The following TNN variants were observed in gnomAD, a reference collection of about 807,000 sequenced individuals.
TNN encodes the protein tenascin N.
A neutral mutation model predicts 134.4 loss-of-function variants in TNN; 122 were observed. That is an observed-to-expected ratio of 0.91 (90% CI 0.78 to 1.06). TNN has a LOEUF of 1.06. Among genes scored for constraint, TNN ranks in the 50% least tolerant of loss-of-function variants. TNN has a pLI of 0.00. For missense variants in TNN, 1,739 were observed against 1,699.4 expected (o/e 1.02, Z -0.41); for synonymous variants, 710 against 670.3 (o/e 1.06, Z -0.91).
intron 3 of TNN, 76 bp from the exon 4 acceptor site, chr1:175,080,087 T>C: frequency 1.3e-6 from 2 of 1,569,474 alleles, no homozygotes; most frequent in Non-Finnish European, 1.7e-6. Flanking sequence ...ACCCTTATAG[T>C]GCTCAGGGAA....
rs150970745 is a variant in TNN, at chr1:175,074,543, G to T, written c.-35-2841G>T. Among the ~76,000 whole-genome samples the T allele has an allele frequency of 2.0e-3, 302 of 147,926 alleles. 11 individuals carry two copies. The East Asian group carries it at 0.05, about 24-fold the overall frequency. On this transcript the variant is annotated intron_variant, in intron 1 of 18. Transcript: ENST00000239462. ...CAGGCACTTATTACCCATGGTCCAAGTCACAAGACAACAAGAAGTGTCCCA... is the reference window on the plus strand; with the variant it reads ...CAGGCACTTATTACCCATGGTCCAATTCACAAGACAACAAGAAGTGTCCCA...
chr1:175,085,455 G>T lies in TNN; in HGVS notation c.1285G>T (p.Glu429Ter), dbSNP rs746885151. The T allele has an allele frequency of 6.2e-7, 1 of 1,612,964 alleles. No individual in the cohort carries two copies. Among genetic ancestry groups the T allele is most frequent in the Non-Finnish European group, 8.5e-7 (1 of 1,179,472 alleles). Residue 429 changes from glutamate to a stop codon, truncating the protein, a stop_gained, in exon 6 of 19, where the codon GAG becomes TAG. Coordinates refer to ENST00000239462, the MANE Select transcript of TNN (RefSeq NM_022093.2). LOFTEE classifies it high-confidence loss of function. ...GATCACGGTGGTGCCCATGAGAGGAGAGCTGGAGGGCAAGCCGATCCTCCT... is the reference window on the plus strand; with the variant it reads ...GATCACGGTGGTGCCCATGAGAGGATAGCTGGAGGGCAAGCCGATCCTCCT... The part of the protein sequence containing the change: ...YKITVVPMRG[E>*]LEGKPILLNG...
rs372041532 is a variant in TNN, at chr1:175,123,494, C to T, written c.2745C>T (p.Tyr915=). Residue 915 remains tyrosine, a synonymous_variant, in exon 12 of 19, where the codon TAC becomes TAT. Coordinates refer to ENST00000239462, the MANE Select transcript of TNN (RefSeq NM_022093.2). ...WDPVQATIDK[Y]MVRYTSADGE... ...CGGTTCAGGCCACCATTGACAAGTA[C>T]ATGGTGCGCTACACCTCTGCTGACG... 6.8e-6 allele frequency: 11 copies of T among 1,614,102 alleles called. No individual in the cohort carries two copies. The highest frequency in any genetic ancestry group is 9.3e-6 in the Non-Finnish European group (11 of 1,180,044).
At chr1:175,098,250 A>G in intron 8 of TNN, 82 bp from the exon 9 acceptor site, 1 of 1,588,502 alleles carries the variant, frequency 6.3e-7, no homozygotes, top group Non-Finnish European at 8.6e-7. Flanking sequence ...GAGCTCTGGA[A>G]GATGAAAATG....
chr1:175,118,966 CAAAACA>C lies in TNN; in HGVS notation c.2650+153_2650+158del, dbSNP rs1675269010. Reference sequence around the variant, plus strand: ...AGGAGAGTTTGCTGTAAAAACAAAACAAAACAAAAACAAAAAACAAACAAAGAAACA... The same window carrying C: ...AGGAGAGTTTGCTGTAAAAACAAAACAAAACAAAAAACAAACAAAGAAACA... On this transcript the variant is annotated intron_variant, in intron 11 of 18. Transcript: ENST00000239462. 11 of 1,201,530 alleles carry C rather than the reference CAAAACA, an allele frequency of 9.2e-6. No homozygotes were observed. In the Admixed American group the frequency reaches 3.0e-4, roughly 33 times the overall value. The allele number at this position is 1,201,530 out of a possible 1,614,324, so 74.4% of individuals were successfully genotyped here.
chr1:175,083,077 A>T (rs1420572003), intron 4 of TNN, among the ~76,000 whole-genome samples: 1 of 152,132 alleles, frequency 6.6e-6, no homozygotes, highest in Non-Finnish European at 1.5e-5. Flanking sequence ...TTCACAGGAC[A>T]GACAGATTGG....
intron 6 of TNN, among the ~76,000 whole-genome samples, chr1:175,093,689 C>T (rs1156650561): frequency 1.3e-5 from 2 of 152,106 alleles, no homozygotes; most frequent in Non-Finnish European, 2.9e-5. Context: ...TAGATGTATT[C>T]TCTCTGTCTA....
intron 9 of TNN, among the ~76,000 whole-genome samples, chr1:175,099,500 A>G (rs970352851): frequency 6.7e-6 from 1 of 148,884 alleles, no homozygotes; most frequent in Admixed American, 6.7e-5. Flanking sequence ...AGGCATCAGG[A>G]GGAGGACAAG....
intron 9 of TNN, among the ~76,000 whole-genome samples, chr1:175,112,716 C>G (rs1209848362): frequency 7.1e-6 from 1 of 141,390 alleles, no homozygotes; most frequent in East Asian, 2.4e-4. Flanking sequence ...TTCTCAGGTT[C>G]AAGTGATTCT....
rs181192406 is a variant in TNN at position 175,143,448 on chromosome 1, A to T, written c.3596-939A>T. On this transcript the variant is annotated intron_variant, in intron 17 of 18. Coordinates refer to ENST00000239462, the MANE Select transcript of TNN (RefSeq NM_022093.2). Reference sequence around the variant, plus strand: ...TAATTAAAGCAGTTTTCCAGATGGGATGTAATGAAGGACTGAATTTTACAT... The same window carrying T: ...TAATTAAAGCAGTTTTCCAGATGGGTTGTAATGAAGGACTGAATTTTACAT... Among the ~76,000 whole-genome samples, 3 of 152,242 alleles carry T rather than the reference A, an allele frequency of 2.0e-5. No homozygotes were observed. In the East Asian group the frequency reaches 5.8e-4, roughly 29 times the overall value.
chr1:175,147,290 G>A lies in TNN; in HGVS notation c.*219G>A. The A allele has an allele frequency of 2.4e-6, 1 of 414,370 alleles. No individual in the cohort carries two copies. The highest frequency in any genetic ancestry group is 4.2e-6 in the Non-Finnish European group (1 of 237,588). 25.7% of individuals were successfully genotyped at this position (414,370 alleles called of 1,614,324 possible). A position where few individuals can be genotyped will look rare whatever the true frequency, so the allele number is the denominator to read the frequency against. ...AAATAGTAGTTGCACAGTATGTGTA[G>A]GAAAGACAGTACTGGAACGGCAAGG... is the stretch of plus-strand genomic sequence containing the variant. On this transcript the variant is annotated 3_prime_UTR_variant, in exon 19 of 19. Transcript: ENST00000239462.
At chr1:175,080,670 A>C (rs189848128) in intron 4 of TNN, among the ~76,000 whole-genome samples, 4 of 152,158 alleles carry the variant, frequency 2.6e-5, no homozygotes, top group African/African-American at 7.2e-5. Flanking sequence ...CCCTGAGATT[A>C]TTTGGGTCTG....
At position 175,118,745 on chromosome 1, in the gene TNN, G is replaced by A. The variant is rs367656950; in HGVS notation, c.2571G>A (p.Pro857=). ...GCACTGTCCTGACGGGCCTGAGGCC[G>A]GGCATGGAGTACACGGTGCACGTGT... is the stretch of plus-strand genomic sequence containing the variant. The part of the protein sequence containing the change: ...QSSTVLTGLR[P]GMEYTVHVWA... Residue 857 remains proline, a synonymous_variant, in exon 11 of 19, where the codon CCG becomes CCA. Transcript: ENST00000239462. 22 of 1,614,062 alleles carry A rather than the reference G, an allele frequency of 1.4e-5. No homozygotes were observed. The highest frequency in any genetic ancestry group is 2.2e-5 in the East Asian group (1 of 44,894).
intron 5 of TNN, among the ~76,000 whole-genome samples, chr1:175,084,500 A>G (rs1162391610): frequency 6.6e-6 from 1 of 152,220 alleles, no homozygotes; most frequent in Non-Finnish European, 1.5e-5. Flanking sequence ...CAAGTTTGGC[A>G]GTGCTTGAAG....
chr1:175,086,119 A>G (rs935133494), intron 6 of TNN, among the ~76,000 whole-genome samples: 1 of 152,176 alleles, frequency 6.6e-6, no homozygotes, highest in African/African-American at 2.4e-5. Flanking sequence ...TATCTAGGAC[A>G]TAGGCACATA....
chr1:175,108,595 C>T (rs1052540202), intron 9 of TNN, among the ~76,000 whole-genome samples: 1 of 152,242 alleles, frequency 6.6e-6, no homozygotes, highest in Admixed American at 6.5e-5. Context: ...GGTCTCGAGC[C>T]CTGCCCCGTG....
chr1:175,079,519 A>C lies in TNN; in HGVS notation c.596A>C (p.Tyr199Ser), dbSNP rs759741041. Residue 199 changes from tyrosine (Y) to serine (S), a missense_variant, in exon 3 of 19, where the codon TAC becomes TCC. By Grantham distance (144) the Tyr-to-Ser change is moderately radical. Transcript: ENST00000239462. ...CCCTACGTGGGTGCCGACTGCGGCT[A>C]CCCGGCCTGCCCTGAGAACTGCAGC... Reference protein sequence around the residue: ...HEPYVGADCGYPACPENCSGH... With the variant: ...HEPYVGADCGSPACPENCSGH... 9 of 1,562,478 alleles carry C rather than the reference A, an allele frequency of 5.8e-6. No homozygotes were observed. The highest frequency in any genetic ancestry group is 7.8e-6 in the Non-Finnish European group (9 of 1,154,750).
Position 175,079,813 on chromosome 1 carries a change from C to G in TNN, c.784+106C>G, listed in dbSNP as rs779125896. 1.1e-5 allele frequency: 15 copies of G among 1,402,230 alleles called. No homozygotes were observed. The Admixed American group carries it at 1.9e-4, about 18-fold the overall frequency. The allele number at this position is 1,402,230 out of a possible 1,614,324, so 86.9% of individuals were successfully genotyped here. On this transcript the variant is annotated intron_variant, in intron 3 of 18. Transcript: ENST00000239462. Reference sequence around the variant, plus strand: ...TTTGGGGGTCTCTTCCTTTAGCCTACGCCAGATTGCTGAGTCCCAACCCCA... The same window carrying G: ...TTTGGGGGTCTCTTCCTTTAGCCTAGGCCAGATTGCTGAGTCCCAACCCCA...
chr1:175,087,475 T>C (rs753474351), intron 6 of TNN, among the ~76,000 whole-genome samples: 1 of 152,256 alleles, frequency 6.6e-6, no homozygotes, highest in Non-Finnish European at 1.5e-5. Flanking sequence ...CAGCTTTATT[T>C]TTTCCTTTTG....
Sources: allele counts gnomAD v4.1 joint callset (sites outside exome capture counted in the v4.1 genomes callset), GRCh38; gene constraint gnomAD v4.1.1; transcripts MANE v1.5; gene names NCBI Gene and HGNC (gene_info 2026-07-23, HGNC 2026-07-21).